GABRB1: variants seen among roughly 807,000 people sequenced by gnomAD.
GABRB1 encodes gamma-aminobutyric acid receptor subunit beta-1.
GABRB1 carries 17 observed loss-of-function variants against 51.6 expected under a neutral mutation model. The ratio of observed to expected loss-of-function variants is 0.33; its 90% confidence interval spans 0.23 to 0.49. GABRB1 has a LOEUF of 0.49. Ranked by LOEUF, GABRB1 falls within the 20% of genes least tolerant of loss-of-function variation. The pLI, the probability that GABRB1 is intolerant of heterozygous loss-of-function variation, is 0.99. For missense variants in GABRB1, 410 were observed against 600.6 expected, an observed-to-expected ratio of 0.68 and a Z score of 3.32; for synonymous variants, 247 against 218.9, an observed-to-expected ratio of 1.13 and a Z score of -1.14.
intron 4 of GABRB1, among the ~76,000 whole-genome samples, chr4:47,185,944 A>G (rs1386355693): frequency 6.6e-5 from 10 of 151,830 alleles, no homozygotes; most frequent in African/African-American, 2.4e-4. Context: ...CCTTCTGTTC[A>G]TCTGTCTCAT....
intron 5 of GABRB1, among the ~76,000 whole-genome samples, chr4:47,374,456 G>A (rs1000877148): frequency 6.6e-6 from 1 of 152,172 alleles, no homozygotes; most frequent in Non-Finnish European, 1.5e-5. Context: ...ACTACTCAGG[G>A]ATAAGGGAAA....
chr4:47,098,421 C>T (rs991534618), intron 3 of GABRB1, among the ~76,000 whole-genome samples: 2 of 152,046 alleles, frequency 1.3e-5, no homozygotes, highest in African/African-American at 4.8e-5. Context: ...AACCCCAAAC[C>T]TTTGGGGTAC....
chr4:47,241,120 G>A (rs1721502066), intron 4 of GABRB1, among the ~76,000 whole-genome samples: 1 of 152,028 alleles, frequency 6.6e-6, no homozygotes, highest in South Asian at 2.1e-4. Context: ...TAATTCTACA[G>A]CATCATTTAT....
intron 4 of GABRB1, among the ~76,000 whole-genome samples, chr4:47,281,952 T>C (rs1443841402): frequency 1.3e-5 from 2 of 152,142 alleles, no homozygotes; most frequent in Admixed American, 1.3e-4. Flanking sequence ...GGAGAATAAG[T>C]TTCAGTGATT....
At chr4:47,063,190 T>A (rs903100949) in intron 3 of GABRB1, among the ~76,000 whole-genome samples, 1 of 152,174 alleles carries the variant, frequency 6.6e-6, no homozygotes, top group African/African-American at 2.4e-5. Context: ...CCACGACCGA[T>A]GCAGGCCTTG....
chr4:47,386,434 T>C (rs1196146849), intron 5 of GABRB1, among the ~76,000 whole-genome samples: 1 of 152,212 alleles, frequency 6.6e-6, no homozygotes, highest in East Asian at 1.9e-4. Context: ...TTTTGAGATT[T>C]TATTGATAAC....
chr4:47,148,406 T>A (rs753916223), intron 3 of GABRB1, among the ~76,000 whole-genome samples: 21 of 152,084 alleles, frequency 1.4e-4, no homozygotes, highest in Non-Finnish European at 2.9e-4. Flanking sequence ...TCATCCTTTA[T>A]CCTAGAGTCG....
intron 3 of GABRB1, among the ~76,000 whole-genome samples, chr4:47,098,666 A>C (rs1472149688): frequency 6.6e-6 from 1 of 152,090 alleles, no homozygotes; most frequent in Non-Finnish European, 1.5e-5. Flanking sequence ...AAAGAGTAAA[A>C]ATTGATATTC....
intron 5 of GABRB1, among the ~76,000 whole-genome samples, chr4:47,343,388 A>G (rs1361322930): frequency 6.6e-6 from 1 of 152,196 alleles, no homozygotes; most frequent in East Asian, 1.9e-4. Context: ...GACCAACTCT[A>G]AACACAATTC....
intron 5 of GABRB1, among the ~76,000 whole-genome samples, chr4:47,335,799 A>G (rs765238779): frequency 3.3e-5 from 5 of 152,174 alleles, no homozygotes; most frequent in Non-Finnish European, 4.4e-5. Flanking sequence ...CTTAGATTGA[A>G]TCTCAGATAC....
chr4:47,394,650 T>C (rs1047755412), intron 5 of GABRB1, among the ~76,000 whole-genome samples: 2 of 152,232 alleles, frequency 1.3e-5, no homozygotes, highest in African/African-American at 4.8e-5. Context: ...GTACTTATTT[T>C]GATTCCATCT....
chr4:47,296,081 C>T (rs1182966689), intron 4 of GABRB1, among the ~76,000 whole-genome samples: 1 of 152,068 alleles, frequency 6.6e-6, no homozygotes, highest in Non-Finnish European at 1.5e-5. Context: ...CACCACCAGG[C>T]CTGCCCTAAA....
chr4:47,014,556 T>G (rs1427586626), intron 1 of GABRB1, among the ~76,000 whole-genome samples: 4 of 152,132 alleles, frequency 2.6e-5, no homozygotes, highest in Non-Finnish European at 5.9e-5. Flanking sequence ...ACCTAGCAAT[T>G]GTCCACTTCT....
intron 4 of GABRB1, among the ~76,000 whole-genome samples, chr4:47,219,346 T>C (rs1255649425): frequency 6.6e-6 from 1 of 151,922 alleles, no homozygotes; most frequent in Non-Finnish European, 1.5e-5. Context: ...AGTCTGACAC[T>C]GCTTGCAGAA....
intron 3 of GABRB1, among the ~76,000 whole-genome samples, chr4:47,075,564 GGT>G (rs1560522440): frequency 1.3e-5 from 2 of 152,090 alleles, no homozygotes; most frequent in Non-Finnish European, 2.9e-5. Flanking sequence ...GTCTGCTTAT[GGT>G]GTATCAATAA....
intron 3 of GABRB1, among the ~76,000 whole-genome samples, chr4:47,147,723 C>T (rs1189296968): frequency 6.6e-6 from 1 of 151,948 alleles, no homozygotes; most frequent in African/African-American, 2.4e-5. Flanking sequence ...TTTAGCTAGG[C>T]AAAGGCAAAG....
intron 4 of GABRB1, among the ~76,000 whole-genome samples, chr4:47,244,022 G>A (rs187795399): frequency 0.12 from 17,905 of 152,122 alleles, 1,292 homozygotes; most frequent in Non-Finnish European, 0.15. Context: ...CTGTGGGTTT[G>A]TCATAAATAG....
chr4:47,315,682 A>G (rs1331691933), intron 4 of GABRB1, among the ~76,000 whole-genome samples: 1 of 152,066 alleles, frequency 6.6e-6, no homozygotes, highest in Non-Finnish European at 1.5e-5. Context: ...CATATACACC[A>G]TGGAATACTA....
chr4:47,092,585 T>C (rs1225232120), intron 3 of GABRB1, among the ~76,000 whole-genome samples: 5 of 151,854 alleles, frequency 3.3e-5, no homozygotes, highest in African/African-American at 9.7e-5. Flanking sequence ...CTTTTGCAGA[T>C]ATCAGTTGGC....
Sources: allele counts gnomAD v4.1 joint callset (sites outside exome capture counted in the v4.1 genomes callset), GRCh38; gene constraint gnomAD v4.1.1; transcripts MANE v1.5; gene names NCBI Gene and HGNC (gene_info 2026-07-23, HGNC 2026-07-21).